The following ESPNL variants were observed in gnomAD, a reference collection of about 807,000 sequenced individuals.
The protein encoded by ESPNL is espin-like protein.
In ESPNL, 49 loss-of-function variants were observed where a neutral mutation model predicts 46.8. The observed-to-expected ratio is 1.05, with a 90% CI of 0.83 to 1.33. The LOEUF is 1.33. Ranked by LOEUF, ESPNL falls within the 40% of genes most tolerant of loss-of-function variation. ESPNL has a pLI of 0.00. For synonymous variants in ESPNL, 664 were observed against 662.1 expected (o/e 1.00, Z -0.04); for missense variants, 1,540 against 1,436.6 (o/e 1.07, Z -1.16).
At chr2:238,124,518 G>A (rs1399187715) in intron 5 of ESPNL, among the ~76,000 whole-genome samples, 1 of 152,190 alleles carries the variant, frequency 6.6e-6, no homozygotes, top group Admixed American at 6.5e-5. Flanking sequence ...CAGGAGTCAG[G>A]GCAGTCGGGG....
chr2:238,102,938 C>G (rs1177562589), intron 2 of ESPNL, among the ~76,000 whole-genome samples: 2 of 151,274 alleles, frequency 1.3e-5, no homozygotes, highest in Non-Finnish European at 3.0e-5. Flanking sequence ...AGCTCCAGGA[C>G]AAGCCCCGAC....
Position 238,128,820 on chromosome 2 carries a change from C to T in ESPNL, c.1329C>T (p.Gly443=), listed in dbSNP as rs200132075. ...DGLVPTRDER[G]QPIPEWKRQV... is the part of the protein sequence containing the mutation. ...TGGTGCCCACGCGGGATGAGCGCGG[C>T]CAGCCCATCCCAGAGTGGAAGCGGC... is the stretch of plus-strand genomic sequence containing the variant. The change falls in exon 8 of 9, where the codon GGC becomes GGT. Residue 443 remains glycine, a synonymous_variant. Coordinates refer to ENST00000343063, the MANE Select transcript of ESPNL (RefSeq NM_194312.4). 1.0e-5 allele frequency: 16 copies of T among 1,550,948 alleles called. No individual in the cohort carries two copies. The highest frequency in any genetic ancestry group is 2.0e-5 in the Admixed American group (1 of 51,176).
intron 7 of ESPNL, among the ~76,000 whole-genome samples, chr2:238,128,404 G>A (rs1692190600): frequency 6.6e-6 from 1 of 152,202 alleles, no homozygotes; most frequent in African/African-American, 2.4e-5. Context: ...GATACGGTGC[G>A]CTCCGCGAGC....
chr2:238,123,855 CTG>C (rs200657897), intron 5 of ESPNL, among the ~76,000 whole-genome samples: 2,364 of 152,278 alleles, frequency 0.016, 55 homozygotes, highest in African/African-American at 0.053. Flanking sequence ...GGCTTTCAGA[CTG>C]TGTTCCCTTC....
intron 5 of ESPNL, among the ~76,000 whole-genome samples, chr2:238,121,739 C>T (rs977327216): frequency 6.6e-6 from 1 of 152,242 alleles, no homozygotes; most frequent in Non-Finnish European, 1.5e-5. Flanking sequence ...TCCTCGAGCA[C>T]CCAATGAGGC....
chr2:238,101,916 CACTG>C, intron 1 of ESPNL, 21 bp from the exon 2 acceptor site: 2 of 1,584,052 alleles, frequency 1.3e-6, no homozygotes, highest in Non-Finnish European at 1.7e-6. Flanking sequence ...ACCCCCCACT[CACTG>C]ACCTACCCGG....
chr2:238,114,311 C>T lies in ESPNL; in HGVS notation c.856-2592C>T, dbSNP rs569859560. 3.8e-4 allele frequency among the ~76,000 whole-genome samples: 58 copies of T among 152,254 alleles called. 1 individual carries two copies. Among genetic ancestry groups the T allele is most frequent in the African/African-American group, 1.3e-3 (54 of 41,552 alleles). ...TGGGGCCAGGTCTGACACTTGTCCC[C>T]CTTCCTCTGCCGTGACACCCCTCAT... On this transcript the variant is annotated intron_variant, in intron 4 of 8. Transcript: ENST00000343063. The surrounding 1 kb of genome is among the most constrained non-coding windows in gnomAD (Gnocchi z 5.0).
intron 6 of ESPNL, among the ~76,000 whole-genome samples, chr2:238,126,388 C>G (rs1183342285): frequency 7.5e-6 from 1 of 132,658 alleles, no homozygotes; most frequent in Non-Finnish European, 1.6e-5. Context: ...GATTGTGTGT[C>G]TCTGTATGAT....
rs374885071 is a variant in ESPNL at position 238,103,048 on chromosome 2, G to A, written c.485+917G>A. The stretch of plus-strand genomic sequence containing the variant: ...CGCTTCTGTGGCTTTTCTCCAGAGC[G>A]TCCACACCACCCTCAGCCTTGGCTG... On this transcript the variant is annotated intron_variant, in intron 2 of 8. Coordinates refer to ENST00000343063, the MANE Select transcript of ESPNL (RefSeq NM_194312.4). Among the ~76,000 whole-genome samples, 11 of 152,316 alleles carry A rather than the reference G, an allele frequency of 7.2e-5. No homozygotes were observed. The East Asian group carries it at 1.9e-3, about 27-fold the overall frequency.
chr2:238,107,934 G>A lies in ESPNL; in HGVS notation c.816G>A (p.Gly272=), dbSNP rs747544973. The A allele has an allele frequency of 7.4e-6, 12 of 1,612,688 alleles. No homozygotes were observed. The South Asian group carries it at 1.3e-4, about 18-fold the overall frequency. ...GTPILRDSWG[G]TPLHDAAENG... is the part of the protein sequence containing the mutation. Reference sequence around the variant, plus strand: ...CCATCCTGAGAGACTCCTGGGGTGGGACCCCCCTCCACGACGCAGCAGAGA... The same window carrying A: ...CCATCCTGAGAGACTCCTGGGGTGGAACCCCCCTCCACGACGCAGCAGAGA... The change falls in exon 4 of 9, where the codon GGG becomes GGA. Residue 272 remains glycine, a synonymous_variant. Coordinates refer to ENST00000343063, the MANE Select transcript of ESPNL (RefSeq NM_194312.4).
At chr2:238,129,373 C>T (rs946804052) in intron 8 of ESPNL, 1 of 555,306 alleles carries the variant, frequency 1.8e-6, no homozygotes, top group African/African-American at 2.0e-5. Flanking sequence ...AGGGGGAGCC[C>T]TGTGGGAATT....
intron 2 of ESPNL, among the ~76,000 whole-genome samples, chr2:238,103,268 T>A (rs115605717): frequency 0.023 from 3,474 of 152,128 alleles, 132 homozygotes; most frequent in African/African-American, 0.08. Flanking sequence ...TACAAAAAAA[T>A]TTATTTAAAA....
intron 5 of ESPNL, among the ~76,000 whole-genome samples, chr2:238,121,979 C>T (rs996566227): frequency 3.3e-5 from 5 of 152,228 alleles, no homozygotes; most frequent in African/African-American, 9.7e-5. Flanking sequence ...TCTCTCTGAC[C>T]GGGTGGCATT....
chr2:238,116,935 C>G lies in ESPNL; in HGVS notation c.888C>G (p.Asp296Glu), dbSNP rs1330221379. 1 of 1,612,578 alleles carries G rather than the reference C, an allele frequency of 6.2e-7. No individual in the cohort carries two copies. Among genetic ancestry groups the G allele is most frequent in the African/African-American group, 1.3e-5 (1 of 74,936 alleles). Residue 296 changes from aspartate to glutamate, a missense_variant, in exon 5 of 9, where the codon GAC becomes GAG. Coordinates refer to ENST00000343063, the MANE Select transcript of ESPNL (RefSeq NM_194312.4). ...CCQTLVSHHV[D>E]PSLRDEDGYT... ...AGACCCTAGTCTCCCACCACGTGGA[C>G]CCCTCCCTGCGGGATGAAGATGGTT...
At chr2:238,116,876 G>A (rs1431824762) in intron 4 of ESPNL, 27 bp from the exon 5 acceptor site, 3 of 1,609,530 alleles carry the variant, frequency 1.9e-6, no homozygotes, top group Non-Finnish European at 2.5e-6. Context: ...GTCGTGGTGG[G>A]TCACATGTGT....
intron 5 of ESPNL, among the ~76,000 whole-genome samples, chr2:238,121,877 C>A (rs916013927): frequency 6.6e-6 from 1 of 152,242 alleles, no homozygotes; most frequent in African/African-American, 2.4e-5. Flanking sequence ...CCTGGGCACT[C>A]TCCTCCCGCT....
intron 5 of ESPNL, among the ~76,000 whole-genome samples, chr2:238,123,300 G>T (rs1475136428): frequency 6.6e-6 from 1 of 152,236 alleles, no homozygotes; most frequent in Non-Finnish European, 1.5e-5. Context: ...GGAAGCAGCT[G>T]TTCAGGGGCA....
At chr2:238,122,739 C>G (rs138741229) in intron 5 of ESPNL, among the ~76,000 whole-genome samples, 12 of 152,280 alleles carry the variant, frequency 7.9e-5, no homozygotes, top group Non-Finnish European at 1.5e-4. Context: ...AGAGAGGAGG[C>G]GAGAGGCACC....
chr2:238,109,614 T>G (rs1691673905), intron 4 of ESPNL, among the ~76,000 whole-genome samples: 1 of 152,220 alleles, frequency 6.6e-6, no homozygotes, highest in South Asian at 2.1e-4. Flanking sequence ...ACCTCAGCCT[T>G]CCAAAGTGCT....
Sources: gnomAD v4.1 joint callset for allele counts (sites outside exome capture counted in the v4.1 genomes callset) on GRCh38, gnomAD v4.1.1 for gene constraint, Gnocchi (gnomAD v3.1) non-coding constraint, MANE v1.5 for transcripts, NCBI Gene and HGNC (gene_info 2026-07-23, HGNC 2026-07-21) for gene names.